Variants in SFMBT1 observed in about 807,000 individuals in gnomAD.
The protein encoded by SFMBT1 is Scm like with four mbt domains 1, also known as scm-like with four MBT domains protein 1.
SFMBT1 carries 32 observed loss-of-function variants against 108.7 expected under a neutral mutation model. The ratio of observed to expected loss-of-function variants is 0.29; its 90% CI spans 0.22 to 0.40. The LOEUF (loss-of-function observed/expected upper bound fraction) is 0.40. SFMBT1 is among the 10% of genes least tolerant of loss of function. SFMBT1 has a pLI of 1.00. For synonymous variants in SFMBT1, 348 were observed against 369.5 expected, an observed-to-expected ratio of 0.94 and a Z score of 0.67; for missense variants, 816 against 1,059.6, an observed-to-expected ratio of 0.77 and a Z score of 3.19.
chr3:53,002,312 T>C (rs1468075071), intron 1 of SFMBT1, among the ~76,000 whole-genome samples: 3 of 144,828 alleles, frequency 2.1e-5, no homozygotes, highest in Non-Finnish European at 4.6e-5. Flanking sequence ...GGCAGGAGAA[T>C]GGCGTGAACC....
At chr3:53,040,968 ATTTTTTTTTTTTTTTTTTTT>A (rs57640588) in intron 1 of SFMBT1, among the ~76,000 whole-genome samples, 4 of 46,360 alleles carry the variant, frequency 8.6e-5, no homozygotes, top group African/African-American at 3.4e-4. Flanking sequence ...AGACACCTGA[ATTTTTTTTTTTTTTTTTTTT>A]TTTTTTTTTT....
At chr3:52,931,997 C>G in intron 6 of SFMBT1, 65 bp downstream of exon 6, 1 of 1,527,784 alleles carries the variant, frequency 6.5e-7, no homozygotes. Context: ...ATTTTTTCAG[C>G]CTCATAGATA....
At chr3:52,999,673 G>A (rs1469267796) in intron 1 of SFMBT1, among the ~76,000 whole-genome samples, 3 of 149,750 alleles carry the variant, frequency 2.0e-5, no homozygotes, top group Admixed American at 6.7e-5. Flanking sequence ...TGGGCCACAT[G>A]AGTGGCCACT....
intron 1 of SFMBT1, among the ~76,000 whole-genome samples, chr3:53,022,644 A>G (rs1699355767): frequency 6.6e-6 from 1 of 152,204 alleles, no homozygotes; most frequent in South Asian, 2.1e-4. Flanking sequence ...ATGCTAAGTG[A>G]AATAAGCCAG....
chr3:52,955,473 G>GA (rs1222124858), intron 2 of SFMBT1, among the ~76,000 whole-genome samples: 1 of 150,996 alleles, frequency 6.6e-6, no homozygotes, highest in African/African-American at 2.4e-5. Context: ...TAATAAAGAA[G>GA]AAAAAAGAGA....
chr3:53,044,063 C>T (rs1163975955), intron 1 of SFMBT1, among the ~76,000 whole-genome samples: 1 of 152,170 alleles, frequency 6.6e-6, no homozygotes, highest in Non-Finnish European at 1.5e-5. Context: ...GAATTGTACC[C>T]TTAAGATCTT....
chr3:52,985,512 C>A (rs1051240426), intron 1 of SFMBT1, among the ~76,000 whole-genome samples: 2 of 152,136 alleles, frequency 1.3e-5, no homozygotes, highest in Admixed American at 6.5e-5. Flanking sequence ...TTTTAATAAT[C>A]TTTTATTTAA....
intron 3 of SFMBT1, among the ~76,000 whole-genome samples, chr3:52,945,530 G>A (rs189165730): frequency 1.3e-5 from 2 of 152,086 alleles, no homozygotes; most frequent in East Asian, 1.9e-4. Flanking sequence ...TGCAAGAGCC[G>A]GGCGCGGTGG....
At chr3:52,921,909 C>A in intron 10 of SFMBT1, 78 bp from the exon 11 acceptor site, 1 of 1,397,066 alleles carries the variant, frequency 7.2e-7, no homozygotes, top group South Asian at 1.2e-5. Flanking sequence ...AAACCTTTTT[C>A]AAGTAGTACT....
At chr3:53,036,403 G>A (rs1172127374) in intron 1 of SFMBT1, among the ~76,000 whole-genome samples, 2 of 152,346 alleles carry the variant, frequency 1.3e-5, no homozygotes, top group South Asian at 2.1e-4. Flanking sequence ...AGAACTGTAC[G>A]TTCTAACTCC....
chr3:52,984,091 G>A (rs946621064), intron 1 of SFMBT1, among the ~76,000 whole-genome samples: 10 of 152,162 alleles, frequency 6.6e-5, no homozygotes, highest in African/African-American at 2.2e-4. Context: ...CAGTATCTGG[G>A]CTGACTGAAG....
chr3:52,945,329 G>A (rs1444354318), intron 3 of SFMBT1, among the ~76,000 whole-genome samples: 1 of 151,550 alleles, frequency 6.6e-6, no homozygotes, highest in African/African-American at 2.4e-5. Flanking sequence ...GACAATTTGA[G>A]CAATAAAATA....
At chr3:52,930,455 A>T in intron 7 of SFMBT1, 25 bp from the exon 8 acceptor site, 1 of 1,281,580 alleles carries the variant, frequency 7.8e-7, no homozygotes, top group Non-Finnish European at 1.1e-6. Context: ...CCAAAAGGGG[A>T]TGAAAACATA....
intron 3 of SFMBT1, among the ~76,000 whole-genome samples, chr3:52,949,345 G>A (rs1203587637): frequency 6.6e-6 from 1 of 152,076 alleles, no homozygotes; most frequent in African/African-American, 2.4e-5. Flanking sequence ...GTATTGCAGA[G>A]CTCAACAATG....
rs897351755 is a variant in SFMBT1 at position 52,904,342 on chromosome 3, C to T, written c.*794G>A. On this transcript the variant is annotated 3_prime_UTR_variant, in exon 21 of 21. Transcript: ENST00000394752. ...GCCTCGGCTGGGTCAAGATGGAGAA[C>T]AGTAACAGTAGAGTTCTCAGATCAG... is the stretch of plus-strand genomic sequence containing the variant. The T allele has an allele frequency of 5.3e-5, 8 of 152,172 alleles. No homozygotes were observed. The highest frequency in any genetic ancestry group is 7.3e-5 in the Non-Finnish European group (5 of 68,034). 9.4% of individuals were successfully genotyped at this position (152,172 alleles called of 1,614,324 possible). A position where few individuals can be genotyped will look rare whatever the true frequency, so the allele number is the denominator to read the frequency against.
chr3:52,931,756 C>A (rs1048040759), intron 6 of SFMBT1, among the ~76,000 whole-genome samples: 5 of 152,128 alleles, frequency 3.3e-5, no homozygotes, highest in Admixed American at 1.3e-4. Context: ...ACAAGAATCG[C>A]TTGAACCCGG....
intron 1 of SFMBT1, among the ~76,000 whole-genome samples, chr3:52,999,872 T>G (rs1000837550): frequency 6.7e-6 from 1 of 150,176 alleles, no homozygotes; most frequent in African/African-American, 2.4e-5. Context: ...TTTGCTTTTT[T>G]TTTGGAGACA....
intron 1 of SFMBT1, among the ~76,000 whole-genome samples, chr3:52,985,325 G>A (rs1337578888): frequency 6.6e-6 from 1 of 152,134 alleles, no homozygotes; most frequent in Non-Finnish European, 1.5e-5. Context: ...TCACAGATCA[G>A]AAACTTCATC....
intron 2 of SFMBT1, among the ~76,000 whole-genome samples, chr3:52,956,731 A>G (rs1390590373): frequency 6.6e-6 from 1 of 152,208 alleles, no homozygotes; most frequent in African/African-American, 2.4e-5. Flanking sequence ...ACTGCACTCC[A>G]GGCTGGGCGA....
Sources: allele counts gnomAD v4.1 joint callset (sites outside exome capture counted in the v4.1 genomes callset), GRCh38; gene constraint gnomAD v4.1.1; transcripts MANE v1.5; gene names NCBI Gene and HGNC (gene_info 2026-07-23, HGNC 2026-07-21).